The following ATXN10 variants were observed in gnomAD, a reference collection of about 807,000 sequenced individuals.
ATXN10 encodes ataxin-10.
Under a neutral mutation model 52.9 loss-of-function variants are expected in ATXN10, and 28 were observed. The observed-to-expected ratio is 0.53, with a 90% CI of 0.39 to 0.73. ATXN10 has a LOEUF of 0.73. Ranked by LOEUF, ATXN10 falls within the 30% of genes least tolerant of loss-of-function variation. The pLI is 0.00. For missense variants in ATXN10, 565 were observed against 577.0 expected (o/e 0.98, Z 0.21); for synonymous variants, 226 against 221.5 (o/e 1.02, Z -0.18).
intron 9 of ATXN10, among the ~76,000 whole-genome samples, chr22:45,776,128 A>G (rs1297810260): frequency 1.3e-5 from 2 of 152,206 alleles, no homozygotes; most frequent in East Asian, 1.9e-4. Flanking sequence ...CTGTAAGCCT[A>G]CGGTTAACCA....
chr22:45,675,459 T>G (rs1922646055), intron 1 of ATXN10: 1 of 152,256 alleles, frequency 6.6e-6, no homozygotes, highest in Non-Finnish European at 1.5e-5. Flanking sequence ...CTTCTCAGAC[T>G]AGGTCATAAA....
At chr22:45,797,794 C>T (rs1308010943) in intron 9 of ATXN10, among the ~76,000 whole-genome samples, 1 of 152,064 alleles carries the variant, frequency 6.6e-6, no homozygotes, top group African/African-American at 2.4e-5. Flanking sequence ...ATCAATCTTT[C>T]CAGATAAATC....
In ATXN10 at chr22:45,737,795, T is replaced by C. The variant is rs1925357265; in HGVS notation, c.895-936T>C. Among the ~76,000 whole-genome samples, 3 of 150,904 alleles carry C rather than the reference T, an allele frequency of 2.0e-5. No individual in the cohort carries two copies. In the South Asian group the frequency reaches 6.3e-4, roughly 32 times the overall value. ...CTCACTGCAACCTCTGCCTCCTAGG[T>C]TGAAACGATTCTACTGCCTCAGCCT... is the stretch of plus-strand genomic sequence containing the variant. On this transcript the variant is annotated intron_variant, in intron 7 of 11. Transcript: ENST00000252934.
Position 45,775,686 on chromosome 22 carries a change from T to C in ATXN10, c.1174-31273T>C, listed in dbSNP as rs1458137268. On this transcript the variant is annotated intron_variant, in intron 9 of 11. Transcript: ENST00000252934. This position sits in a 1 kb window ranked among gnomAD's most constrained non-coding sequence, Gnocchi z 4.7. ...AAAAATGTGACTTGCAGTATTGTTA[T>C]TGAGAGAGATTTAGTGAAAAACAGC... Among the ~76,000 whole-genome samples the C allele has an allele frequency of 1.3e-5, 2 of 152,180 alleles. No individual in the cohort carries two copies. Among genetic ancestry groups the C allele is most frequent in the African/African-American group, 4.8e-5 (2 of 41,440 alleles).
intron 9 of ATXN10, among the ~76,000 whole-genome samples, chr22:45,751,738 TGG>T (rs1925958922): frequency 6.4e-5 from 8 of 124,070 alleles, no homozygotes; most frequent in South Asian, 2.5e-4. Flanking sequence ...TACCTTTTTC[TGG>T]AAAAAAAAAA....
intron 3 of ATXN10, among the ~76,000 whole-genome samples, chr22:45,698,342 G>T (rs1418061760): frequency 6.6e-6 from 1 of 152,118 alleles, no homozygotes; most frequent in Non-Finnish European, 1.5e-5. Context: ...GTGAAGTGGG[G>T]GTACTTCATT....
chr22:45,749,405 T>G (rs1409782388), intron 9 of ATXN10, among the ~76,000 whole-genome samples: 3 of 152,200 alleles, frequency 2.0e-5, no homozygotes, highest in Non-Finnish European at 2.9e-5. Context: ...AGAAGATGTT[T>G]GAGACTGGTC....
intron 9 of ATXN10, among the ~76,000 whole-genome samples, chr22:45,802,390 C>T (rs1927958530): frequency 6.6e-6 from 1 of 152,170 alleles, no homozygotes; most frequent in African/African-American, 2.4e-5. Context: ...TAGCTTGACA[C>T]TTGTAGTTAT....
At chr22:45,821,258 T>C (rs540165845) in intron 10 of ATXN10, among the ~76,000 whole-genome samples, 15 of 150,384 alleles carry the variant, frequency 1.0e-4, no homozygotes, top group African/African-American at 3.2e-4. Flanking sequence ...GGCTCACGCC[T>C]CCCAGCTATT....
intron 9 of ATXN10, among the ~76,000 whole-genome samples, chr22:45,771,661 C>T (rs1226353372): frequency 2.0e-5 from 3 of 152,176 alleles, no homozygotes; most frequent in African/African-American, 4.8e-5. Flanking sequence ...AAGTGATCCA[C>T]CCACCTCGAG....
At chr22:45,791,523 G>A (rs1399357998) in intron 9 of ATXN10, among the ~76,000 whole-genome samples, 3 of 151,954 alleles carry the variant, frequency 2.0e-5, no homozygotes, top group Non-Finnish European at 2.9e-5. Context: ...AAGCATGGTC[G>A]GGTACTTTTT....
intron 10 of ATXN10, among the ~76,000 whole-genome samples, chr22:45,831,108 T>G (rs1430373597): frequency 1.3e-5 from 2 of 152,196 alleles, no homozygotes; most frequent in African/African-American, 2.4e-5. Flanking sequence ...AATAAGCCAG[T>G]CATACCGTGT....
Position 45,751,673 on chromosome 22 carries a change from G to A in ATXN10, c.1173+11135G>A, listed in dbSNP as rs539714715. Among the ~76,000 whole-genome samples, 243 of 146,598 alleles carry A rather than the reference G, an allele frequency of 1.7e-3. 1 individual carries two copies. Among genetic ancestry groups the A allele is most frequent in the African/African-American group, 5.9e-3 (234 of 39,388 alleles). On this transcript the variant is annotated intron_variant, in intron 9 of 11. Transcript: ENST00000252934. ...ATGTCTATATATCTCCCCAGGCTTCGTTTTCTTGGTTAAATGAGAAAAGTG... is the reference window on the plus strand; with the variant it reads ...ATGTCTATATATCTCCCCAGGCTTCATTTTCTTGGTTAAATGAGAAAAGTG...
At chr22:45,713,154 C>T (rs923096767) in intron 5 of ATXN10, among the ~76,000 whole-genome samples, 5 of 152,096 alleles carry the variant, frequency 3.3e-5, no homozygotes, top group Non-Finnish European at 7.4e-5. Flanking sequence ...GTTCGCCTTT[C>T]GCTGTCTGTT....
At position 45,819,631 on chromosome 22, in the gene ATXN10, T is replaced by C. The variant is rs1387388914; in HGVS notation, c.1237+12609T>C. On this transcript the variant is annotated intron_variant, in intron 10 of 11. Coordinates refer to ENST00000252934, the MANE Select transcript of ATXN10 (RefSeq NM_013236.4). The surrounding 1 kb of genome is among the most constrained non-coding windows in gnomAD (Gnocchi z 4.5). Reference sequence around the variant, plus strand: ...TTCAGGAAAGCTGCTGGATTGAGACTGGAGGGAAGTGTGACTGCCTGTGCA... The same window carrying C: ...TTCAGGAAAGCTGCTGGATTGAGACCGGAGGGAAGTGTGACTGCCTGTGCA... Among the ~76,000 whole-genome samples the C allele has an allele frequency of 2.0e-5, 3 of 152,230 alleles. No homozygotes were observed. Among genetic ancestry groups the C allele is most frequent in the South Asian group, 2.1e-4 (1 of 4,828 alleles).
chr22:45,682,991 A>ACATGTAC (rs1448602883), intron 1 of ATXN10, among the ~76,000 whole-genome samples: 1 of 152,140 alleles, frequency 6.6e-6, no homozygotes, highest in Non-Finnish European at 1.5e-5. Context: ...GATCCTTTTA[A>ACATGTAC]CATGTAAGTC....
Position 45,824,225 on chromosome 22 carries a change from A to C in ATXN10, c.1237+17203A>C, listed in dbSNP as rs1205652635. ...CCCTGCAGCTCACAGAGACCTGCAC[A>C]TACTGTTCCTCTCACTGGAGTTCTC... On this transcript the variant is annotated intron_variant, in intron 10 of 11. Transcript: ENST00000252934. This position sits in a 1 kb window ranked among gnomAD's most constrained non-coding sequence, Gnocchi z 5.2. Among the ~76,000 whole-genome samples, 1 of 152,054 alleles carries C rather than the reference A, an allele frequency of 6.6e-6. No homozygotes were observed. Among genetic ancestry groups the C allele is most frequent in the African/African-American group, 2.4e-5 (1 of 41,394 alleles).
chr22:45,692,121 A>G (rs577818873), intron 2 of ATXN10, among the ~76,000 whole-genome samples: 2 of 152,368 alleles, frequency 1.3e-5, no homozygotes, highest in Admixed American at 6.5e-5. Flanking sequence ...TAAACATTAA[A>G]TGTTTCTGCC....
At chr22:45,797,006 A>AT (rs1927765305) in intron 9 of ATXN10, among the ~76,000 whole-genome samples, 1 of 152,234 alleles carries the variant, frequency 6.6e-6, no homozygotes, top group Admixed American at 6.5e-5. Flanking sequence ...TTTCATAATG[A>AT]TTAAAGGGTC....
Sources: allele counts gnomAD v4.1 joint callset (sites outside exome capture counted in the v4.1 genomes callset), GRCh38; gene constraint gnomAD v4.1.1; non-coding constraint Gnocchi (gnomAD v3.1); transcripts MANE v1.5; gene names NCBI Gene and HGNC (gene_info 2026-07-23, HGNC 2026-07-21).